Variants in NCK1 observed in about 807,000 individuals in gnomAD.
NCK1 encodes the protein NCK adaptor protein 1.
A neutral mutation model predicts 36.6 loss-of-function variants in NCK1; 19 were observed. The ratio of observed to expected loss-of-function variants is 0.52; its 90% CI spans 0.36 to 0.76. NCK1 has a LOEUF of 0.76. Ranked by LOEUF, NCK1 falls within the 30% of genes least tolerant of loss-of-function variation. The pLI, the probability that NCK1 is intolerant of heterozygous loss-of-function variation, is 0.00. For synonymous variants in NCK1, 165 were observed against 156.0 expected (o/e 1.06, Z -0.43); for missense variants, 358 against 445.6 (o/e 0.80, Z 1.77).
intron 1 of NCK1, among the ~76,000 whole-genome samples, chr3:136,890,504 C>G (rs1186362190): frequency 6.6e-6 from 1 of 152,234 alleles, no homozygotes; most frequent in Non-Finnish European, 1.5e-5. Flanking sequence ...GGAGCCCAGG[C>G]AGAGGAGGTG....
intron 1 of NCK1, among the ~76,000 whole-genome samples, chr3:136,907,469 A>G (rs904949089): frequency 4.6e-5 from 7 of 152,150 alleles, no homozygotes; most frequent in Non-Finnish European, 7.4e-5. Flanking sequence ...TCTTTATGTT[A>G]GACTCAGGGC....
rs1271550301 is a variant in NCK1 at position 136,951,584 on chromosome 3, G to A, written c.*3131G>A. Among the ~76,000 whole-genome samples the A allele has an allele frequency of 1.3e-5, 2 of 152,088 alleles. No homozygotes were observed. Among genetic ancestry groups the A allele is most frequent in the African/African-American group, 4.8e-5 (2 of 41,414 alleles). Reference sequence around the variant, plus strand: ...GAAAAAATTCAAACAGTATAATAAAGTCTTCTTTCAAGTCAAAATATAGAG... The same window carrying A: ...GAAAAAATTCAAACAGTATAATAAAATCTTCTTTCAAGTCAAAATATAGAG... On this transcript the variant is annotated 3_prime_UTR_variant, in exon 4 of 4. Transcript: ENST00000481752.
chr3:136,906,559 TGAGCC>T (rs1939691451), intron 1 of NCK1, among the ~76,000 whole-genome samples: 1 of 152,188 alleles, frequency 6.6e-6, no homozygotes. Context: ...AGCCAATCTT[TGAGCC>T]TCCAGGTGTC....
At chr3:136,927,844 C>T in intron 1 of NCK1, 140 bp from the exon 2 acceptor site, 1 of 666,434 alleles carries the variant, frequency 1.5e-6, no homozygotes, top group East Asian at 2.7e-5. Context: ...CTTTAAATTA[C>T]TATTTGCCTC....
At chr3:136,879,410 C>T (rs578115658) in intron 1 of NCK1, among the ~76,000 whole-genome samples, 8 of 152,206 alleles carry the variant, frequency 5.3e-5, no homozygotes, top group South Asian at 4.1e-4. Flanking sequence ...AATAGATATA[C>T]GCTTTCAATT....
At chr3:136,927,913 GTCTCTTTTGAA>G in intron 1 of NCK1, 60 bp from the exon 2 acceptor site, 1 of 1,074,580 alleles carries the variant, frequency 9.3e-7, no homozygotes, top group South Asian at 1.5e-5. Context: ...TTTTAGGTGT[GTCTCTTTTGAA>G]AAGCATGTGA....
At chr3:136,890,667 T>C (rs1469458718) in intron 1 of NCK1, among the ~76,000 whole-genome samples, 1 of 152,268 alleles carries the variant, frequency 6.6e-6, no homozygotes, top group Non-Finnish European at 1.5e-5. Context: ...TTCTCCCTTA[T>C]GCCTATTACG....
chr3:136,869,680 G>A (rs542925950), intron 1 of NCK1, among the ~76,000 whole-genome samples: 5 of 152,174 alleles, frequency 3.3e-5, no homozygotes, highest in African/African-American at 9.6e-5. Context: ...GGTTGCTTTC[G>A]TATTTTTCTT....
At chr3:136,936,598 G>A (rs1940538180) in intron 2 of NCK1, among the ~76,000 whole-genome samples, 1 of 152,160 alleles carries the variant, frequency 6.6e-6, no homozygotes, top group Non-Finnish European at 1.5e-5. Context: ...ATTCCAACCA[G>A]TATTGTAAGG....
At chr3:136,889,504 C>G (rs886377692) in intron 1 of NCK1, among the ~76,000 whole-genome samples, 1 of 151,984 alleles carries the variant, frequency 6.6e-6, no homozygotes, top group Non-Finnish European at 1.5e-5. Flanking sequence ...TTGCAAAGAG[C>G]GAAAGAACAA....
At chr3:136,930,357 G>A in intron 2 of NCK1, 6 of 883,668 alleles carry the variant, frequency 6.8e-6, no homozygotes, top group Non-Finnish European at 8.9e-6. Context: ...TTATTTACTT[G>A]TTATACAGGC....
chr3:136,948,511 G>T lies in NCK1; in HGVS notation c.*58G>T. 6.8e-7 allele frequency: 1 copy of T among 1,478,130 alleles called. No individual in the cohort carries two copies. Among genetic ancestry groups the T allele is most frequent in the South Asian group, 1.2e-5 (1 of 80,022 alleles). 91.6% of individuals were successfully genotyped at this position (1,478,130 alleles called of 1,614,324 possible). On this transcript the variant is annotated 3_prime_UTR_variant, in exon 4 of 4. Transcript: ENST00000481752. Reference sequence around the variant, plus strand: ...GTAATTTGTCATGTAATTGAAGACTGAGAAAATGTTGGGTCCAGTCGTGCT... The same window carrying T: ...GTAATTTGTCATGTAATTGAAGACTTAGAAAATGTTGGGTCCAGTCGTGCT...
Position 136,950,465 on chromosome 3 carries a change from A to G in NCK1, c.*2012A>G, listed in dbSNP as rs1453204611. ...CCCAGATAACCCATGTGTGCTAGTA[A>G]TATCTATTGTGTGCTCTTACTATGG... is the stretch of plus-strand genomic sequence containing the variant. On this transcript the variant is annotated 3_prime_UTR_variant, in exon 4 of 4. Coordinates refer to ENST00000481752, the MANE Select transcript of NCK1 (RefSeq NM_001291999.2). Among the ~76,000 whole-genome samples, 2 of 152,146 alleles carry G rather than the reference A, an allele frequency of 1.3e-5. No individual in the cohort carries two copies. Among genetic ancestry groups the G allele is most frequent in the East Asian group, 3.8e-4 (2 of 5,204 alleles).
chr3:136,864,095 C>T (rs570653795), intron 1 of NCK1, among the ~76,000 whole-genome samples: 62 of 151,288 alleles, frequency 4.1e-4, no homozygotes, highest in South Asian at 4.2e-4. Context: ...AGCGAGACTC[C>T]GTCTCAAAAA....
At position 136,945,776 on chromosome 3, in the gene NCK1, T is replaced by C; in HGVS notation, c.420T>C (p.Ser140=). The stretch of plus-strand genomic sequence containing the variant: ...AGGTGATCGTCATGGAGAAATGCAG[T>C]GATGGGTGGTGGCGTGGTAGCTACA... ...GTKVIVMEKC[S]DGWWRGSYNG... Residue 140 remains serine (S), a synonymous_variant, in exon 3 of 4, where the codon AGT becomes AGC. Coordinates refer to ENST00000481752, the MANE Select transcript of NCK1 (RefSeq NM_001291999.2). 1 of 1,614,066 alleles carries C rather than the reference T, an allele frequency of 6.2e-7. No individual in the cohort carries two copies. The highest frequency in any genetic ancestry group is 8.5e-7 in the Non-Finnish European group (1 of 1,180,012).
intron 2 of NCK1, among the ~76,000 whole-genome samples, chr3:136,935,054 A>G (rs1050825540): frequency 1.3e-5 from 2 of 152,132 alleles, no homozygotes; most frequent in Non-Finnish European, 2.9e-5. Flanking sequence ...GGTGTGCGCC[A>G]CCATGACTGG....
chr3:136,916,210 GCTAAGTGGT>G (rs1939960278), intron 1 of NCK1, among the ~76,000 whole-genome samples: 1 of 152,130 alleles, frequency 6.6e-6, no homozygotes, highest in Non-Finnish European at 1.5e-5. Flanking sequence ...TGTATCAAGG[GCTAAGTGGT>G]AGAGTCCTAA....
rs565097785 is a variant in NCK1, at chr3:136,900,677, G to C, written c.-18-27307G>C. On this transcript the variant is annotated intron_variant, in intron 1 of 3. Coordinates refer to ENST00000481752, the MANE Select transcript of NCK1 (RefSeq NM_001291999.2). ...CTTTCTCAGCTAGTTTGTTTTATTG[G>C]TATATAGAAACAGGTTTTGTATGTT... is the stretch of plus-strand genomic sequence containing the variant. 5.3e-5 allele frequency among the ~76,000 whole-genome samples: 8 copies of C among 152,002 alleles called. No homozygotes were observed. The South Asian group carries it at 1.7e-3, about 32-fold the overall frequency.
intron 2 of NCK1, among the ~76,000 whole-genome samples, chr3:136,931,846 G>A (rs576226224): frequency 1.3e-5 from 2 of 152,224 alleles, no homozygotes; most frequent in African/African-American, 2.4e-5. Context: ...GTGGCTAGGC[G>A]TGGCAGCTCA....
Sources: allele counts gnomAD v4.1 joint callset (sites outside exome capture counted in the v4.1 genomes callset), GRCh38; gene constraint gnomAD v4.1.1; transcripts MANE v1.5; gene names NCBI Gene and HGNC (gene_info 2026-07-23, HGNC 2026-07-21).